Variants in NDRG2 observed in about 807,000 individuals in gnomAD.
NDRG2 encodes the protein protein NDRG2.
Under a neutral mutation model 58.2 loss-of-function variants are expected in NDRG2, and 34 were observed. The ratio of observed to expected loss-of-function variants is 0.58; its 90% CI spans 0.44 to 0.78. The LOEUF is 0.78. NDRG2 is among the 30% of genes least tolerant of loss of function. The probability of loss-of-function intolerance (pLI) is 0.00; values close to 1 mark genes in which losing one functional copy is unlikely to be tolerated. For synonymous variants in NDRG2, 187 were observed against 175.9 expected, an observed-to-expected ratio of 1.06 and a Z score of -0.50; for missense variants, 434 against 471.2, an observed-to-expected ratio of 0.92 and a Z score of 0.73.
chr14:21,065,746 G>T (rs1223603232), intron 1 of NDRG2, among the ~76,000 whole-genome samples: 2 of 152,150 alleles, frequency 1.3e-5, no homozygotes, highest in Non-Finnish European at 2.9e-5. Flanking sequence ...CAGAAGGAAA[G>T]AAGAGCAAAA....
chr14:21,060,957 A>T (rs2139157453), intron 1 of NDRG2, among the ~76,000 whole-genome samples: 1 of 152,344 alleles, frequency 6.6e-6, no homozygotes, highest in Non-Finnish European at 1.5e-5. Context: ...ACGTGTGCTC[A>T]ATACACATTA....
intron 1 of NDRG2, among the ~76,000 whole-genome samples, chr14:21,068,535 A>G (rs984615337): frequency 6.6e-6 from 1 of 152,128 alleles, no homozygotes; most frequent in African/African-American, 2.4e-5. Flanking sequence ...TAGATGAGCT[A>G]GGTTTGAGAC....
Position 21,023,169 on chromosome 14 carries a change from G to A in NDRG2, c.75+72C>T, listed in dbSNP as rs1881692358. Reference sequence around the variant, plus strand: ...AGTTAGAATAAGATCAGTACGCTTGGGAAGTTAGAAGGCAAGGGGGATGCT... The same window carrying A: ...AGTTAGAATAAGATCAGTACGCTTGAGAAGTTAGAAGGCAAGGGGGATGCT... On this transcript the variant is annotated intron_variant, in intron 2 of 15. Coordinates refer to ENST00000556147, the MANE Select transcript of NDRG2 (RefSeq NM_001320329.2). The A allele has an allele frequency of 2.3e-6, 3 of 1,295,266 alleles. No individual in the cohort carries two copies. In the African/African-American group the frequency reaches 4.4e-5, roughly 19 times the overall value. The allele number at this position is 1,295,266 out of a possible 1,614,324, so 80.2% of individuals were successfully genotyped here.
chr14:21,046,309 G>A (rs186693161), intron 1 of NDRG2, among the ~76,000 whole-genome samples: 70 of 152,276 alleles, frequency 4.6e-4, no homozygotes, highest in African/African-American at 1.6e-3. Flanking sequence ...CAGCTTACTT[G>A]AGCCCAGGAG....
intron 1 of NDRG2, among the ~76,000 whole-genome samples, chr14:21,053,741 C>T (rs1885564145): frequency 6.6e-6 from 1 of 152,052 alleles, no homozygotes; most frequent in Non-Finnish European, 1.5e-5. Context: ...GATGTAGAAA[C>T]TACAGGGAGC....
intron 1 of NDRG2, among the ~76,000 whole-genome samples, chr14:21,051,376 AC>A (rs2139136181): frequency 6.6e-6 from 1 of 152,194 alleles, no homozygotes; most frequent in South Asian, 2.1e-4. Context: ...TATCGTTATG[AC>A]CCCTATCATT....
Position 21,020,359 on chromosome 14 carries a change from G to A in NDRG2, c.555+137C>T, listed in dbSNP as rs866571754. ...ATATTATAAGAGACTCAGGCAAAGT[G>A]ACAGCTTCACTTTCCTGCCCCTTTA... is the stretch of plus-strand genomic sequence containing the variant. On this transcript the variant is annotated intron_variant, in intron 8 of 15. Coordinates refer to ENST00000556147, the MANE Select transcript of NDRG2 (RefSeq NM_001320329.2). 4.9e-5 allele frequency: 32 copies of A among 659,186 alleles called. 1 individual carries two copies. The Middle Eastern group carries it at 1.4e-3, about 29-fold the overall frequency. The allele number at this position is 659,186 out of a possible 1,614,324, so 40.8% of individuals were successfully genotyped here.
intron 1 of NDRG2, among the ~76,000 whole-genome samples, chr14:21,059,966 CA>C (rs1176799736): frequency 6.6e-6 from 1 of 152,148 alleles, no homozygotes; most frequent in African/African-American, 2.4e-5. Context: ...TACACACCCC[CA>C]TATGCATATA....
At position 21,032,103 on chromosome 14, in the gene NDRG2, G is replaced by T. The variant is rs1457483488; in HGVS notation, c.25-8782C>A. 1.9e-6 allele frequency: 3 copies of T among 1,605,416 alleles called. No homozygotes were observed. In the African/African-American group the frequency reaches 4.0e-5, roughly 21 times the overall value. ...AGAGGAGCTTCATCTCAGCCTGCTA[G>T]CCCCCTGACCCTGCATGTTTAACAC... On this transcript the variant is annotated intron_variant, in intron 1 of 14. Transcript: ENST00000403829.
intron 1 of NDRG2, among the ~76,000 whole-genome samples, chr14:21,055,428 C>T (rs907333435): frequency 2.0e-5 from 3 of 152,158 alleles, no homozygotes; most frequent in African/African-American, 7.2e-5. Context: ...ATGTTGTAGG[C>T]CCTTAGAAAC....
chr14:21,054,523 A>G (rs1159137435), intron 1 of NDRG2, among the ~76,000 whole-genome samples: 1 of 152,152 alleles, frequency 6.6e-6, no homozygotes, highest in Non-Finnish European at 1.5e-5. Context: ...AGAGGAGGAA[A>G]TGTTTAGGCC....
intron 1 of NDRG2, chr14:21,058,401 C>A: frequency 7.2e-7 from 1 of 1,382,304 alleles, no homozygotes; most frequent in Non-Finnish European, 1.0e-6. Flanking sequence ...AGACTGTATG[C>A]TGCTGCTTTT....
chr14:21,032,947 G>A (rs1177940508), intron 1 of NDRG2: 3 of 455,962 alleles, frequency 6.6e-6, no homozygotes, highest in Admixed American at 2.4e-5. Flanking sequence ...ACTCAGATGT[G>A]GTTTTAGAAA....
chr14:21,031,371 A>C, intron 1 of NDRG2: 1 of 567,480 alleles, frequency 1.8e-6, no homozygotes, highest in South Asian at 3.7e-5. Flanking sequence ...TTAATAGTAG[A>C]TTTAGACTAA....
intron 1 of NDRG2, chr14:21,057,827 C>A: frequency 7.2e-7 from 1 of 1,385,460 alleles, no homozygotes; most frequent in South Asian, 1.3e-5. Flanking sequence ...ACTAACAAGA[C>A]TCCCCCATGA....
In NDRG2 at chr14:21,043,314, A is replaced by T. The variant is rs1416081527; in HGVS notation, c.25-19993T>A. ...GAGCCACGGGGCCGTGTCCCTGACC[A>T]TGTGTAAGCTCACCTCAGGGAAGCA... On this transcript the variant is annotated intron_variant, in intron 1 of 14. Transcript: ENST00000403829. 1.9e-6 allele frequency: 3 copies of T among 1,614,038 alleles called. No homozygotes were observed. Among genetic ancestry groups the T allele is most frequent in the Admixed American group, 3.3e-5 (2 of 60,000 alleles).
upstream of NDRG2, chr14:21,025,417 C>T: frequency 1.0e-6 from 1 of 985,686 alleles, no homozygotes; most frequent in Non-Finnish European, 1.2e-6. This position sits in a 1 kb window ranked among gnomAD's most constrained non-coding sequence, Gnocchi z 5.1. Flanking sequence ...TGCACTCTGG[C>T]TCCTTCCTTC....
At chr14:21,039,565 G>A (rs1386350838) in intron 1 of NDRG2, among the ~76,000 whole-genome samples, 1 of 152,152 alleles carries the variant, frequency 6.6e-6, no homozygotes. Flanking sequence ...CATGAATGCA[G>A]TGAAGCCAAA....
At chr14:21,058,251 A>G (rs771573952) in intron 1 of NDRG2, 4 of 1,614,054 alleles carry the variant, frequency 2.5e-6, no homozygotes, top group Non-Finnish European at 3.4e-6. Context: ...AACTGCAGGT[A>G]CAAAGAGAAG....
Sources: allele counts gnomAD v4.1 joint callset (sites outside exome capture counted in the v4.1 genomes callset), GRCh38; gene constraint gnomAD v4.1.1; non-coding constraint Gnocchi (gnomAD v3.1); transcripts MANE v1.5; gene names NCBI Gene and HGNC (gene_info 2026-07-23, HGNC 2026-07-21).